Variants in RASAL2 observed in about 807,000 individuals in gnomAD.
The protein encoded by RASAL2 is ras GTPase-activating protein nGAP.
A neutral mutation model predicts 128.9 loss-of-function variants in RASAL2; 58 were observed. The observed-to-expected ratio is 0.45, with a 90% CI of 0.36 to 0.56. The LOEUF is 0.56. Among genes scored for constraint, RASAL2 ranks in the 20% least tolerant of loss-of-function variants. The pLI, the probability that RASAL2 is intolerant of heterozygous loss-of-function variation, is 0.00. For missense variants in RASAL2, 1,360 were observed against 1,601.6 expected, an observed-to-expected ratio of 0.85 and a Z score of 2.57; for synonymous variants, 561 against 580.8, an observed-to-expected ratio of 0.97 and a Z score of 0.49.
intron 1 of RASAL2, among the ~76,000 whole-genome samples, chr1:178,125,916 A>G (rs1197600943): frequency 6.6e-6 from 1 of 152,190 alleles, no homozygotes; most frequent in Non-Finnish European, 1.5e-5. Context: ...ATTTTTGGCC[A>G]ATTGGCAGAT....
chr1:178,147,100 A>G (rs1028217852), intron 1 of RASAL2, among the ~76,000 whole-genome samples: 1 of 149,446 alleles, frequency 6.7e-6, no homozygotes, highest in Non-Finnish European at 1.5e-5. Context: ...CAGTGTAGAT[A>G]CTTGTGGTAG....
rs551381975 is a variant in RASAL2, at chr1:178,256,087, A to G, written c.203-27477A>G. On this transcript the variant is annotated intron_variant, in intron 1 of 17. Coordinates refer to ENST00000367649, the MANE Select transcript of RASAL2 (RefSeq NM_170692.4). ...ACAGTAACAACAAAGGAATCCTCTT[A>G]TTAGAAATAGAGGGGCATCCTCAAT... is the stretch of plus-strand genomic sequence containing the variant. Among the ~76,000 whole-genome samples the G allele has an allele frequency of 2.0e-3, 298 of 152,342 alleles. 1 individual carries two copies. The highest frequency in any genetic ancestry group is 7.0e-3 in the African/African-American group (290 of 41,594).
At chr1:178,105,864 C>T (rs905582565) in intron 1 of RASAL2, among the ~76,000 whole-genome samples, 2 of 151,914 alleles carry the variant, frequency 1.3e-5, no homozygotes, top group Non-Finnish European at 2.9e-5. Context: ...TTTGTAGAGA[C>T]GAGGTCTCAC....
intron 1 of RASAL2, among the ~76,000 whole-genome samples, chr1:178,117,273 G>T (rs142227075): frequency 1.3e-5 from 2 of 152,142 alleles, no homozygotes; most frequent in African/African-American, 2.4e-5. Context: ...AGCTTTTGGG[G>T]CTAGCATCTC....
intron 1 of RASAL2, among the ~76,000 whole-genome samples, chr1:178,252,230 A>G (rs1399705460): frequency 1.3e-5 from 2 of 152,120 alleles, no homozygotes; most frequent in Non-Finnish European, 2.9e-5. Flanking sequence ...GTGGAAAAAT[A>G]TATTCTAAAC....
rs1388401652 is a variant in RASAL2, at chr1:178,454,565, G to A, written c.2128G>A (p.Gly710Ser). The part of the protein sequence containing the change: ...SNPDTISNTP[G>S]FDGYIDLGRE... ...TCCAGACACCATCTCAAACACCCCAGGCTTTGATGGTTACATTGATCTGGG... is the reference window on the plus strand; with the variant it reads ...TCCAGACACCATCTCAAACACCCCAAGCTTTGATGGTTACATTGATCTGGG... The change falls in exon 12 of 18, where the codon GGC becomes AGC. Residue 710 changes from glycine (G) to serine (S), a missense_variant. By Grantham distance (56) the Gly-to-Ser change is moderately conservative (BLOSUM62 0). This residue lies in a region of RASAL2 where 741 missense variants were observed against 868.6 expected (regional missense o/e 0.85). Transcript: ENST00000367649. 6.2e-7 allele frequency: 1 copy of A among 1,613,946 alleles called. No homozygotes were observed. The highest frequency in any genetic ancestry group is 1.1e-5 in the South Asian group (1 of 91,068).
At chr1:178,451,804 A>G in intron 10 of RASAL2, 89 bp downstream of exon 10, 4 of 1,446,942 alleles carry the variant, frequency 2.8e-6, no homozygotes, top group Non-Finnish European at 3.7e-6. Context: ...AGTCATCACA[A>G]TGTTAACAAT....
At chr1:178,439,863 AT>A (rs770260802) in intron 6 of RASAL2, among the ~76,000 whole-genome samples, 2 of 152,190 alleles carry the variant, frequency 1.3e-5, no homozygotes, top group South Asian at 2.1e-4. Context: ...ATAACATTAC[AT>A]TACTATGTTA....
chr1:178,467,140 A>G (rs1017218238), intron 16 of RASAL2, among the ~76,000 whole-genome samples, 194 bp from the exon 17 acceptor site: 1 of 152,202 alleles, frequency 6.6e-6, no homozygotes, highest in Admixed American at 6.5e-5. Context: ...TCCAAGGGAG[A>G]TGAAAATGTG....
At chr1:178,209,478 C>T (rs549782775) in intron 1 of RASAL2, among the ~76,000 whole-genome samples, 7 of 152,234 alleles carry the variant, frequency 4.6e-5, no homozygotes, top group African/African-American at 1.2e-4. Flanking sequence ...AAGTAGTCAG[C>T]GTTTTCTCAT....
At chr1:178,233,496 C>T (rs1274554515) in intron 1 of RASAL2, among the ~76,000 whole-genome samples, 5 of 152,094 alleles carry the variant, frequency 3.3e-5, no homozygotes, top group African/African-American at 1.2e-4. Flanking sequence ...GCAGAGACAT[C>T]CGAGTTTTAG....
At position 178,473,492 on chromosome 1, in the gene RASAL2, A is replaced by T; in HGVS notation, c.*253A>T. On this transcript the variant is annotated 3_prime_UTR_variant, in exon 18 of 18. Coordinates refer to ENST00000367649, the MANE Select transcript of RASAL2 (RefSeq NM_170692.4). ...GCCATGTACAGAAAATATCACTGTA[A>T]TATACCAAAAGGAAGTTAATAATGT... The T allele has an allele frequency of 1.9e-6, 1 of 513,644 alleles. No homozygotes were observed. Among genetic ancestry groups the T allele is most frequent in the East Asian group, 3.4e-5 (1 of 29,556 alleles). The allele number at this position is 513,644 out of a possible 1,614,324, so 31.8% of individuals were successfully genotyped here.
At chr1:178,471,189 TC>T (rs1648235710) in intron 17 of RASAL2, among the ~76,000 whole-genome samples, 1 of 152,162 alleles carries the variant, frequency 6.6e-6, no homozygotes, top group Non-Finnish European at 1.5e-5. Flanking sequence ...TTATAATTTA[TC>T]CCAGTTCTGA....
At chr1:178,112,686 G>T (rs1168429531) in intron 1 of RASAL2, among the ~76,000 whole-genome samples, 93 of 143,752 alleles carry the variant, frequency 6.5e-4, no homozygotes, top group Non-Finnish European at 9.0e-4. Flanking sequence ...CTCACTCATA[G>T]GTGGGAATTG....
intron 3 of RASAL2, among the ~76,000 whole-genome samples, chr1:178,303,732 A>G (rs1667868999): frequency 1.3e-5 from 2 of 152,156 alleles, no homozygotes; most frequent in African/African-American, 2.4e-5. Context: ...TGCAACACCT[A>G]TAATGAACAA....
Position 178,353,250 on chromosome 1 carries a change from C to T in RASAL2, c.458-36850C>T, listed in dbSNP as rs916910285. ...GTTTTACGTCATGTCTTTGCTCATG[C>T]GTATGAGCATAGGTTGTTAGAAGCA... On this transcript the variant is annotated intron_variant, in intron 3 of 17. Transcript: ENST00000367649. Among the ~76,000 whole-genome samples, 4 of 152,152 alleles carry T rather than the reference C, an allele frequency of 2.6e-5. No homozygotes were observed. In the East Asian group the frequency reaches 5.8e-4, roughly 22 times the overall value.
At position 178,197,611 on chromosome 1, in the gene RASAL2, G is replaced by GA. The variant is rs57628750; in HGVS notation, c.203-85933dup. Among the ~76,000 whole-genome samples the GA allele has an allele frequency of 8.2e-3, 775 of 94,130 alleles. 3 individuals are homozygous for GA. Among genetic ancestry groups the GA allele is most frequent in the African/African-American group, 0.013 (372 of 29,032 alleles). 61.8% of individuals were successfully genotyped at this position (94,130 alleles called of 152,430 possible). A position where few individuals can be genotyped will look rare whatever the true frequency, so the allele number is the denominator to read the frequency against. Reference sequence around the variant, plus strand: ...GCAACAGAGCTAGACTCCATCTGGGGAAAAAAAAAAAAAAAAAAAAGTTAA... The same window carrying GA: ...GCAACAGAGCTAGACTCCATCTGGGGAAAAAAAAAAAAAAAAAAAAAGTTAA... On this transcript the variant is annotated intron_variant, in intron 1 of 17. Transcript: ENST00000367649.
intron 1 of RASAL2, among the ~76,000 whole-genome samples, chr1:178,213,895 A>G (rs868857766): frequency 5.4e-5 from 8 of 148,114 alleles, no homozygotes; most frequent in South Asian, 2.1e-4. Context: ...TTATATAGGG[A>G]AAAAAAAAAC....
chr1:178,373,775 C>T (rs1671847455), intron 3 of RASAL2, among the ~76,000 whole-genome samples: 1 of 151,972 alleles, frequency 6.6e-6, no homozygotes, highest in African/African-American at 2.4e-5. Flanking sequence ...CCCACCCATC[C>T]CTGCTCCTGT....
Sources: gnomAD v4.1 joint callset for allele counts (sites outside exome capture counted in the v4.1 genomes callset) on GRCh38, gnomAD v4.1.1 for gene constraint, gnomAD v4.1.1 regional missense constraint, MANE v1.5 for transcripts, NCBI Gene and HGNC (gene_info 2026-07-23, HGNC 2026-07-21) for gene names.